RBFOX3: variants seen among roughly 807,000 people sequenced by gnomAD.
RBFOX3 encodes RNA binding fox-1 homolog 3.
A neutral mutation model predicts 48.7 loss-of-function variants in RBFOX3; 17 were observed. The ratio of observed to expected loss-of-function variants is 0.35; its 90% CI spans 0.24 to 0.52. The LOEUF is 0.52. Ranked by LOEUF, RBFOX3 falls within the 20% of genes least tolerant of loss-of-function variation. The probability of loss-of-function intolerance (pLI) is 0.94; values close to 1 mark genes in which losing one functional copy is unlikely to be tolerated. For missense variants in RBFOX3, 382 were observed against 497.5 expected (o/e 0.77, Z 2.21); for synonymous variants, 212 against 209.5 (o/e 1.01, Z -0.10).
the RBFOX3 span, among the ~76,000 whole-genome samples, chr17:79,616,122 G>C: frequency 1.3e-5 from 2 of 152,316 alleles, no homozygotes; most frequent in South Asian, 4.1e-4. Context: ...TCCACAGATG[G>C]CCAGCACCGA....
At chr17:79,190,055 C>T (rs1251721694) in intron 4 of RBFOX3, among the ~76,000 whole-genome samples, 1 of 152,264 alleles carries the variant, frequency 6.6e-6, no homozygotes, top group Non-Finnish European at 1.5e-5. Context: ...CCCACTTGCT[C>T]TCCTTCAGCA....
In RBFOX3 at chr17:79,450,370, C is replaced by T. The variant is rs377269102; in HGVS notation, c.-175+32084G>A. On this transcript the variant is annotated intron_variant, in intron 2 of 14. Coordinates refer to ENST00000693108, the MANE Select transcript of RBFOX3 (RefSeq NM_001350451.2). The stretch of plus-strand genomic sequence containing the variant: ...GAAGAATAAAACGGGGAAAAAACAC[C>T]GGAGCCTATAGGAGCACCTCCCTAC... 2.5e-3 allele frequency among the ~76,000 whole-genome samples: 380 copies of T among 152,252 alleles called. 2 individuals are homozygous for T. Among genetic ancestry groups the T allele is most frequent in the African/African-American group, 8.6e-3 (357 of 41,540 alleles).
At chr17:79,159,584 G>A (rs1282349165) in intron 4 of RBFOX3, among the ~76,000 whole-genome samples, 1 of 152,184 alleles carries the variant, frequency 6.6e-6, no homozygotes, top group African/African-American at 2.4e-5. Flanking sequence ...GGTCTCAGCT[G>A]AATCCAGGAA....
intron 2 of RBFOX3, among the ~76,000 whole-genome samples, chr17:79,427,330 A>T (rs1213419459): frequency 6.6e-6 from 1 of 152,106 alleles, no homozygotes; most frequent in Non-Finnish European, 1.5e-5. Context: ...GTCCTGGGAG[A>T]TGTCCTTTGA....
chr17:79,191,953 G>C (rs1313337525), intron 4 of RBFOX3, among the ~76,000 whole-genome samples: 1 of 152,154 alleles, frequency 6.6e-6, no homozygotes, highest in Non-Finnish European at 1.5e-5. Context: ...TGGGGCAGTG[G>C]ATGCTGATGT....
At chr17:79,167,371 C>T (rs1287555484) in intron 4 of RBFOX3, among the ~76,000 whole-genome samples, 3 of 152,106 alleles carry the variant, frequency 2.0e-5, no homozygotes, top group Non-Finnish European at 2.9e-5. Flanking sequence ...GCCCCTCCTT[C>T]TCTCCCTCTG....
intron 3 of RBFOX3, among the ~76,000 whole-genome samples, chr17:79,262,704 C>T (rs1158045014): frequency 3.3e-5 from 5 of 152,182 alleles, no homozygotes; most frequent in African/African-American, 7.2e-5. Flanking sequence ...GTGGCTGCCC[C>T]GTGTGCCCCA....
chr17:79,529,008 C>T (rs2087258749), intron 1 of RBFOX3, among the ~76,000 whole-genome samples: 1 of 152,188 alleles, frequency 6.6e-6, no homozygotes, highest in African/African-American at 2.4e-5. Flanking sequence ...ACTGTTCCCA[C>T]ATAACAGCAC....
At position 79,392,369 on chromosome 17, in the gene RBFOX3, A is replaced by C. The variant is rs1421963237; in HGVS notation, c.-174-84545T>G. Among the ~76,000 whole-genome samples the C allele has an allele frequency of 2.0e-5, 3 of 152,138 alleles. No individual in the cohort carries two copies. Among genetic ancestry groups the C allele is most frequent in the African/African-American group, 7.2e-5 (3 of 41,422 alleles). ...TGGGCACGTGATTTCACCGTCTTTC[A>C]TTGTGGAGTTGTGAAGATTCATAAG... On this transcript the variant is annotated intron_variant, in intron 2 of 14. Transcript: ENST00000693108. The surrounding 1 kb of genome is among the most constrained non-coding windows in gnomAD (Gnocchi z 5.0).
intron 2 of RBFOX3, among the ~76,000 whole-genome samples, chr17:79,438,707 G>T (rs187774198): frequency 1.3e-5 from 2 of 152,344 alleles, no homozygotes; most frequent in Admixed American, 1.3e-4. Flanking sequence ...ATCGGACTAG[G>T]TCAGGCCTCA....
chr17:79,144,740 T>G (rs976008440), intron 4 of RBFOX3, among the ~76,000 whole-genome samples: 1 of 152,124 alleles, frequency 6.6e-6, no homozygotes, highest in Non-Finnish European at 1.5e-5. Context: ...TTCCTAGTCC[T>G]AAACTGAGGA....
chr17:79,176,695 G>A (rs2050624145), intron 4 of RBFOX3, among the ~76,000 whole-genome samples: 1 of 152,152 alleles, frequency 6.6e-6, no homozygotes, highest in East Asian at 1.9e-4. Flanking sequence ...GGGGGATGAG[G>A]AGGGGCTGGA....
rs1567978878 is a variant in RBFOX3 at position 79,286,777 on chromosome 17, G to A, written c.-74+20947C>T. The stretch of plus-strand genomic sequence containing the variant: ...TGTGCGTTAACATAGAAGCTGGAGA[G>A]GGAGGTCCCACCCATAGACCTGCTC... On this transcript the variant is annotated intron_variant, in intron 3 of 14. Coordinates refer to ENST00000693108, the MANE Select transcript of RBFOX3 (RefSeq NM_001350451.2). 3.9e-5 allele frequency among the ~76,000 whole-genome samples: 6 copies of A among 152,214 alleles called. No individual in the cohort carries two copies. In the South Asian group the frequency reaches 1.0e-3, roughly 26 times the overall value.
In RBFOX3 at chr17:79,471,827, C is replaced by T. The variant is rs2149382231; in HGVS notation, c.-175+10627G>A. 6.6e-6 allele frequency among the ~76,000 whole-genome samples: 1 copy of T among 152,314 alleles called. No homozygotes were observed. Among genetic ancestry groups the T allele is most frequent in the South Asian group, 2.1e-4 (1 of 4,820 alleles). ...ATCACACCTAGCGCCCCGTGTGTGA[C>T]CCGGGATCCCACCGTTCTCCAGGGT... On this transcript the variant is annotated intron_variant, in intron 2 of 14. Coordinates refer to ENST00000693108, the MANE Select transcript of RBFOX3 (RefSeq NM_001350451.2). This position sits in a 1 kb window ranked among gnomAD's most constrained non-coding sequence, Gnocchi z 4.0.
intron 2 of RBFOX3, among the ~76,000 whole-genome samples, chr17:79,353,303 T>C (rs1275435645): frequency 2.0e-5 from 3 of 152,234 alleles, no homozygotes; most frequent in Admixed American, 6.5e-5. Flanking sequence ...CTCTCCTCCA[T>C]GGGGTGGGAT....
chr17:79,600,425 A>C (rs1268182714), intron 1 of RBFOX3: 3 of 152,252 alleles, frequency 2.0e-5, no homozygotes, highest in Non-Finnish European at 2.9e-5. Flanking sequence ...ATACATGTGC[A>C]CAAGCTCTGC....
At chr17:79,296,843 TC>T (rs1305733853) in intron 3 of RBFOX3, among the ~76,000 whole-genome samples, 1 of 65,754 alleles carries the variant, frequency 1.5e-5, no homozygotes, top group African/African-American at 6.2e-5. Context: ...TCCCCCCTCC[TC>T]CCCCTCCTCC....
At chr17:79,635,369 G>A in the RBFOX3 span, among the ~76,000 whole-genome samples, 1 of 152,166 alleles carries the variant, frequency 6.6e-6, no homozygotes, top group African/African-American at 2.4e-5. Context: ...CCTCAGAAGA[G>A]CAGCTGAGAA....
rs1020482108 is a variant in RBFOX3 at position 79,220,902 on chromosome 17, CA to C, written c.-34+14863del. 5.9e-5 allele frequency among the ~76,000 whole-genome samples: 9 copies of C among 152,176 alleles called. No homozygotes were observed. The highest frequency in any genetic ancestry group is 2.2e-4 in the African/African-American group (9 of 41,536). ...GCAGAAGTTGAATGTGCATTGGGTG[CA>C]GCAGGGGTGAGAGGGTGGAGTGCAG... On this transcript the variant is annotated intron_variant, in intron 4 of 14. Transcript: ENST00000693108. This position sits in a 1 kb window ranked among gnomAD's most constrained non-coding sequence, Gnocchi z 5.9.
Sources: allele counts gnomAD v4.1 joint callset (sites outside exome capture counted in the v4.1 genomes callset), GRCh38; gene constraint gnomAD v4.1.1; non-coding constraint Gnocchi (gnomAD v3.1); transcripts MANE v1.5; gene names NCBI Gene and HGNC (gene_info 2026-07-23, HGNC 2026-07-21).